Variants in FBXO15 observed in about 807,000 individuals in gnomAD.
The protein encoded by FBXO15 is F-box only protein 15.
In FBXO15, 30 loss-of-function variants were observed where a neutral mutation model predicts 49.5. The observed-to-expected ratio is 0.61, with a 90% CI of 0.45 to 0.82. FBXO15 has a LOEUF of 0.82. Ranked by LOEUF, FBXO15 falls within the 40% of genes least tolerant of loss-of-function variation. The pLI, the probability that FBXO15 is intolerant of heterozygous loss-of-function variation, is 0.00. For missense variants in FBXO15, 591 were observed against 631.5 expected (o/e 0.94, Z 0.69); for synonymous variants, 250 against 232.7 (o/e 1.07, Z -0.68).
chr18:74,147,531 TCTTC>T, intron 1 of FBXO15, 135 bp downstream of exon 1: 1 of 1,246,406 alleles, frequency 8.0e-7, no homozygotes, highest in Non-Finnish European at 1.0e-6. Flanking sequence ...CTCCGGTCGT[TCTTC>T]CATACCCTTC....
At position 74,075,369 on chromosome 18, in the gene FBXO15, G is replaced by A. The variant is rs1201267061; in HGVS notation, c.1264-1639C>T. Among the ~76,000 whole-genome samples the A allele has an allele frequency of 6.6e-6, 1 of 152,184 alleles. No homozygotes were observed. The highest frequency in any genetic ancestry group is 2.4e-5 in the African/African-American group (1 of 41,426). On this transcript the variant is annotated intron_variant, in intron 9 of 9. Transcript: ENST00000419743. This position sits in a 1 kb window ranked among gnomAD's most constrained non-coding sequence, Gnocchi z 4.1. The stretch of plus-strand genomic sequence containing the variant: ...CCCGGGTGTGGCCCAGTAACCTCCT[G>A]CTGCAGCGTAGCCCATCTTGCAAAG...
chr18:74,124,048 T>C (rs1017436731), intron 7 of FBXO15, among the ~76,000 whole-genome samples: 2 of 149,806 alleles, frequency 1.3e-5, no homozygotes, highest in Admixed American at 6.6e-5. Context: ...GTGAGAGCTG[T>C]AGTGAAATGG....
At chr18:74,112,688 A>T (rs1914081647) in intron 8 of FBXO15, among the ~76,000 whole-genome samples, 1 of 152,216 alleles carries the variant, frequency 6.6e-6, no homozygotes, top group South Asian at 2.1e-4. Context: ...AGGAAATAGA[A>T]GGTATCCTGA....
In FBXO15 at chr18:74,123,433, A is replaced by G. The variant is rs1361113012; in HGVS notation, c.1073T>C (p.Val358Ala). 9 of 1,613,960 alleles carry G rather than the reference A, an allele frequency of 5.6e-6. No homozygotes were observed. Among genetic ancestry groups the G allele is most frequent in the South Asian group, 3.3e-5 (3 of 91,076 alleles). The stretch of plus-strand genomic sequence containing the variant: ...GAAAACCCCACCGCTGTGCAGATCA[A>G]CATGGAGTTGGTAGCCGTGCAGTCC... ...EYGLHGYQLHVDLHSGGVFYL... is the reference protein window; with the variant it reads ...EYGLHGYQLHADLHSGGVFYL... Residue 358 changes from valine (V) to alanine (A), a missense_variant, in exon 8 of 10, where the codon GTT becomes GCT. Physicochemically the swap from Val to Ala is moderately conservative, Grantham distance 64. Coordinates refer to ENST00000419743, the MANE Select transcript of FBXO15 (RefSeq NM_001142958.2).
At chr18:74,076,244 G>C (rs1214268691) in intron 9 of FBXO15, 3 of 152,294 alleles carry the variant, frequency 2.0e-5, no homozygotes, top group Non-Finnish European at 4.4e-5. Flanking sequence ...CACTGCCCTA[G>C]TCCAAGTGCT....
Position 74,129,498 on chromosome 18 carries a change from T to C in FBXO15, c.692A>G (p.Lys231Arg), listed in dbSNP as rs201555346. The change falls in exon 5 of 10, where the codon AAA (lysine) becomes AGA (arginine). Residue 231 changes from lysine to arginine, a missense_variant. Physicochemically the swap from Lys to Arg is conservative, Grantham distance 26. Transcript: ENST00000419743. ...CAATGATGCTAGGCATGGCCATTTT[T>C]TGCCATACCATATAACAGTAACTGA... is the stretch of plus-strand genomic sequence containing the variant. Reference protein sequence around the residue: ...DTSVTVIWYGKKWPCLASLST... With the variant: ...DTSVTVIWYGRKWPCLASLST... The C allele has an allele frequency of 2.3e-4, 371 of 1,613,912 alleles. No individual in the cohort carries two copies. Among genetic ancestry groups the C allele is most frequent in the Non-Finnish European group, 2.8e-4 (329 of 1,179,988 alleles).
chr18:74,137,067 G>A lies in FBXO15; in HGVS notation c.228-1201C>T, dbSNP rs183729899. Among the ~76,000 whole-genome samples, 37 of 152,286 alleles carry A rather than the reference G, an allele frequency of 2.4e-4. 1 individual carries two copies. The South Asian group carries it at 4.6e-3, about 19-fold the overall frequency. On this transcript the variant is annotated intron_variant, in intron 2 of 9. Transcript: ENST00000419743. ...GATCTTCAGAAAAAAGACAGTTAAC[G>A]TTATGCCTGTTGGATATGCATCACC...
intron 8 of FBXO15, among the ~76,000 whole-genome samples, chr18:74,122,408 G>T (rs571762374): frequency 2.2e-4 from 33 of 152,308 alleles, no homozygotes; most frequent in African/African-American, 7.5e-4. Flanking sequence ...TTAAGCATTT[G>T]CTCTGCCTTT....
intron 1 of FBXO15, chr18:74,147,397 ACCTGT>A: frequency 1.3e-6 from 1 of 759,494 alleles, no homozygotes; most frequent in Non-Finnish European, 1.7e-6. Flanking sequence ...TTGGACCTGC[ACCTGT>A]CCTGGCAGGT....
At chr18:74,140,899 A>G (rs1042554100) in intron 1 of FBXO15, 2 of 152,242 alleles carry the variant, frequency 1.3e-5, no homozygotes, top group East Asian at 1.9e-4. Context: ...AAAACTTACT[A>G]TTAGTAAACT....
intron 8 of FBXO15, among the ~76,000 whole-genome samples, chr18:74,122,254 T>C (rs1228450680): frequency 6.6e-6 from 1 of 152,206 alleles, no homozygotes; most frequent in Non-Finnish European, 1.5e-5. Context: ...CCTGTCTCCT[T>C]ATCAGTGGGC....
At chr18:74,127,569 G>A (rs574353494) in intron 5 of FBXO15, among the ~76,000 whole-genome samples, 3 of 152,322 alleles carry the variant, frequency 2.0e-5, no homozygotes, top group East Asian at 3.9e-4. Flanking sequence ...ACACAGATGC[G>A]TACAAGGATT....
In FBXO15 at chr18:74,075,908, A is replaced by G. The variant is rs1044754524; in HGVS notation, c.1264-2178T>C. The stretch of plus-strand genomic sequence containing the variant: ...CTAAGTTATCACCAACATGCCTGTG[A>G]TTCCCAAAAGTTTATCTCCAGGCCG... On this transcript the variant is annotated intron_variant, in intron 9 of 9. Transcript: ENST00000419743. The surrounding 1 kb of genome is among the most constrained non-coding windows in gnomAD (Gnocchi z 4.1). Among the ~76,000 whole-genome samples the G allele has an allele frequency of 6.6e-6, 1 of 152,192 alleles. No homozygotes were observed. Among genetic ancestry groups the G allele is most frequent in the Admixed American group, 6.5e-5 (1 of 15,278 alleles).
At chr18:74,086,991 T>C (rs1912769666) in intron 8 of FBXO15, among the ~76,000 whole-genome samples, 1 of 152,226 alleles carries the variant, frequency 6.6e-6, no homozygotes, top group Non-Finnish European at 1.5e-5. Flanking sequence ...GCAAGTCACA[T>C]AAATTTTCTG....
rs1979559289 is a variant in FBXO15, at chr18:74,147,818, G to C, written c.-33C>G. ...AGGAGTTCACCACAGGACCGCGCCA[G>C]GGCTGAAACGAAGAGTGCACGCACC... On this transcript the variant is annotated 5_prime_UTR_variant, in exon 1 of 10. Coordinates refer to ENST00000419743, the MANE Select transcript of FBXO15 (RefSeq NM_001142958.2). 1 of 1,483,548 alleles carries C rather than the reference G, an allele frequency of 6.7e-7. No homozygotes were observed. Among genetic ancestry groups the C allele is most frequent in the Non-Finnish European group, 9.0e-7 (1 of 1,117,176 alleles). 91.9% of individuals were successfully genotyped at this position (1,483,548 alleles called of 1,614,324 possible). A position where few individuals can be genotyped will look rare whatever the true frequency, so the allele number is the denominator to read the frequency against.
At chr18:74,105,256 T>C (rs560292948) in intron 8 of FBXO15, among the ~76,000 whole-genome samples, 1 of 152,188 alleles carries the variant, frequency 6.6e-6, no homozygotes, top group Non-Finnish European at 1.5e-5. Context: ...CTACAGTCTA[T>C]GATTGCCTAT....
At chr18:74,096,122 C>G (rs1913262298) in intron 8 of FBXO15, among the ~76,000 whole-genome samples, 1 of 152,152 alleles carries the variant, frequency 6.6e-6, no homozygotes, top group Non-Finnish European at 1.5e-5. Context: ...TCTTGGGTTC[C>G]CTGGCAGGAG....
chr18:74,125,319 C>T (rs73476534), intron 6 of FBXO15, among the ~76,000 whole-genome samples: 2,572 of 152,274 alleles, frequency 0.017, 72 homozygotes, highest in African/African-American at 0.058. Context: ...GAAAAAGTGA[C>T]GGCCACAGTT....
At chr18:74,108,177 A>G (rs1442232811) in intron 8 of FBXO15, among the ~76,000 whole-genome samples, 1 of 152,222 alleles carries the variant, frequency 6.6e-6, no homozygotes, top group East Asian at 1.9e-4. Context: ...CACAGTATGA[A>G]GAGACAGAGC....
Sources: allele counts gnomAD v4.1 joint callset (sites outside exome capture counted in the v4.1 genomes callset), GRCh38; gene constraint gnomAD v4.1.1; non-coding constraint Gnocchi (gnomAD v3.1); transcripts MANE v1.5; gene names NCBI Gene and HGNC (gene_info 2026-07-23, HGNC 2026-07-21).